Variants in SMARCA2 observed in about 807,000 individuals in gnomAD.
SMARCA2 encodes the protein SWI/SNF related BAF chromatin remodeling complex subunit ATPase 2, also known as SWI/SNF-related matrix-associated actin-dependent regulator of chromatin subfamily A member 2.
In SMARCA2, 61 loss-of-function variants were observed where a neutral mutation model predicts 199.8. The observed-to-expected ratio is 0.31, with a 90% CI of 0.25 to 0.38. The LOEUF (loss-of-function observed/expected upper bound fraction) is 0.38, where lower values mean the gene tolerates loss of function less well. Among genes scored for constraint, SMARCA2 ranks in the 10% least tolerant of loss-of-function variants. SMARCA2 has a pLI of 1.00. For missense variants in SMARCA2, 1,344 were observed against 2,012.2 expected (o/e 0.67, Z 6.35); for synonymous variants, 935 against 732.0 (o/e 1.28, Z -4.48).
chr9:2,115,358 G>GATGT lies in SMARCA2; in HGVS notation c.3457-453_3457-450dup, dbSNP rs1484928419. ...GTGTGTGTATGTGTGTGTGTGGTAA[G>GATGT]ATGTATGTATGTATAATACCTGAAT... On this transcript the variant is annotated intron_variant, in intron 24 of 33. Transcript: ENST00000349721. The surrounding 1 kb of genome is among the most constrained non-coding windows in gnomAD (Gnocchi z 6.0). Among the ~76,000 whole-genome samples the GATGT allele has an allele frequency of 6.6e-6, 1 of 152,096 alleles. No individual in the cohort carries two copies.
intron 27 of SMARCA2, among the ~76,000 whole-genome samples, chr9:2,127,380 A>C (rs938266447): frequency 1.3e-5 from 2 of 152,198 alleles, no homozygotes; most frequent in Non-Finnish European, 2.9e-5. Context: ...GCTGCCACAG[A>C]TGGACCTCAA....
At chr9:2,025,584 T>G (rs141316407) in intron 1 of SMARCA2, among the ~76,000 whole-genome samples, 189 of 152,232 alleles carry the variant, frequency 1.2e-3, no homozygotes, top group African/African-American at 4.3e-3. Flanking sequence ...ATTGTCTCAT[T>G]AGTGCTTTGG....
chr9:2,027,654 G>A (rs903199600), intron 1 of SMARCA2: 15 of 152,230 alleles, frequency 9.9e-5, no homozygotes, highest in African/African-American at 3.6e-4. Context: ...TGGGTCGCTA[G>A]GAGTGGAAAG....
chr9:2,110,154 G>A lies in SMARCA2; in HGVS notation c.3293-100G>A. The A allele has an allele frequency of 1.1e-6, 1 of 876,364 alleles. No homozygotes were observed. The highest frequency in any genetic ancestry group is 1.7e-6 in the Non-Finnish European group (1 of 574,828). 54.3% of individuals were successfully genotyped at this position (876,364 alleles called of 1,614,324 possible). A position where few individuals can be genotyped will look rare whatever the true frequency, so the allele number is the denominator to read the frequency against. On this transcript the variant is annotated intron_variant, in intron 23 of 33. Transcript: ENST00000349721. This position sits in a 1 kb window ranked among gnomAD's most constrained non-coding sequence, Gnocchi z 4.8. ...AATTACCTCACCAGTGTTAGGAGGA[G>A]TCTGGGTATATTTCTTGAAGGAAGC...
intron 19 of SMARCA2, among the ~76,000 whole-genome samples, chr9:2,091,793 C>T (rs544327625): frequency 6.6e-6 from 1 of 152,258 alleles, no homozygotes; most frequent in African/African-American, 2.4e-5. Context: ...GATTTTTAGC[C>T]ATTCAATAGG....
In SMARCA2 at chr9:2,119,574, C is replaced by A; in HGVS notation, c.3762+39C>A. 7.4e-7 allele frequency: 1 copy of A among 1,354,778 alleles called. No homozygotes were observed. Among genetic ancestry groups the A allele is most frequent in the South Asian group, 1.2e-5 (1 of 85,636 alleles). 83.9% of individuals were successfully genotyped at this position (1,354,778 alleles called of 1,614,324 possible). A position where few individuals can be genotyped will look rare whatever the true frequency, so the allele number is the denominator to read the frequency against. ...AAATCATGAACACAAATGCTTTATA[C>A]CTCTGCCCCTTTTTCTGTTAAGCAG... is the stretch of plus-strand genomic sequence containing the variant. On this transcript the variant is annotated intron_variant, in intron 26 of 33. Transcript: ENST00000349721. The surrounding 1 kb of genome is among the most constrained non-coding windows in gnomAD (Gnocchi z 4.6).
rs1447743989 is a variant in SMARCA2, at chr9:2,110,330, G to A, written c.3369G>A (p.Leu1123=). The A allele has an allele frequency of 1.2e-6, 2 of 1,613,504 alleles. No individual in the cohort carries two copies. The highest frequency in any genetic ancestry group is 1.3e-5 in the African/African-American group (1 of 74,866). The part of the protein sequence containing the change: ...NEPGSQYFIF[L]LSTRAGGLGL... The stretch of plus-strand genomic sequence containing the variant: ...CTGGATCCCAGTATTTCATTTTCTT[G>A]CTGAGCACAAGAGCTGGTGGCCTGG... Residue 1123 remains leucine, a synonymous_variant, in exon 24 of 34, where the codon TTG becomes TTA. Coordinates refer to ENST00000349721, the MANE Select transcript of SMARCA2 (RefSeq NM_003070.5). This position sits in a 1 kb window ranked among gnomAD's most constrained non-coding sequence, Gnocchi z 4.8.
At chr9:2,148,238 C>T (rs770719178) in intron 27 of SMARCA2, among the ~76,000 whole-genome samples, 1 of 151,568 alleles carries the variant, frequency 6.6e-6, no homozygotes, top group Non-Finnish European at 1.5e-5. Flanking sequence ...AATGTAGCTC[C>T]AGTAATAAGT....
chr9:2,055,824 C>T (rs1820328381), intron 6 of SMARCA2: 2 of 152,184 alleles, frequency 1.3e-5, no homozygotes, highest in Admixed American at 1.3e-4. Context: ...TGGATAAAAT[C>T]TTACTAAATG....
chr9:2,156,414 C>CTTTTTTTTTTTTTTTTTTTTTTT (rs57161267), intron 27 of SMARCA2, among the ~76,000 whole-genome samples: 1 of 69,148 alleles, frequency 1.4e-5, no homozygotes, highest in Non-Finnish European at 2.5e-5. Context: ...CCATTTTAGA[C>CTTTTTTTTTTTTTTTTTTTTTTT]TTTTTTTTTT....
chr9:2,041,557 C>T (rs1025327494), intron 4 of SMARCA2: 34 of 396,152 alleles, frequency 8.6e-5, no homozygotes, highest in Non-Finnish European at 1.1e-4. Flanking sequence ...ATACCATCTC[C>T]CTGGGAATTA....
intron 27 of SMARCA2, among the ~76,000 whole-genome samples, chr9:2,155,173 TAA>T (rs370460717): frequency 4.6e-5 from 7 of 152,356 alleles, no homozygotes; most frequent in African/African-American, 1.7e-4. Flanking sequence ...CCACTAAATC[TAA>T]AAGTCATTCT....
At chr9:2,157,652 T>C (rs775664966) in intron 27 of SMARCA2, 6 of 375,868 alleles carry the variant, frequency 1.6e-5, no homozygotes, top group Non-Finnish European at 2.4e-5. Context: ...TGTTCCACTG[T>C]AAGGACTGTG....
In SMARCA2 at chr9:2,052,825, C is replaced by T. The variant is rs186264878; in HGVS notation, c.1047-1772C>T. 5.3e-3 allele frequency among the ~76,000 whole-genome samples: 801 copies of T among 152,184 alleles called. 8 individuals are homozygous for T. The highest frequency in any genetic ancestry group is 0.018 in the African/African-American group (752 of 41,512). On this transcript the variant is annotated intron_variant, in intron 5 of 33. Transcript: ENST00000349721. The stretch of plus-strand genomic sequence containing the variant: ...TCACGTTAATGAAAATGATGGCTGT[C>T]GTCATCAGCATCTTGGCAAGGAAGA...
At chr9:2,118,641 C>T (rs1018287927) in intron 25 of SMARCA2, among the ~76,000 whole-genome samples, 2 of 152,100 alleles carry the variant, frequency 1.3e-5, no homozygotes, top group African/African-American at 4.8e-5. Flanking sequence ...AAGCATATGC[C>T]GAACTTTTAG....
intron 4 of SMARCA2, among the ~76,000 whole-genome samples, chr9:2,046,342 T>C (rs918240930): frequency 5.9e-5 from 9 of 152,212 alleles, no homozygotes; most frequent in Non-Finnish European, 2.9e-5. Context: ...ACTTAATCAA[T>C]GCACTTTGAC....
chr9:2,042,637 C>T (rs1045503650), intron 4 of SMARCA2: 1 of 151,552 alleles, frequency 6.6e-6, no homozygotes, highest in African/African-American at 2.4e-5. Flanking sequence ...TTTTCTGGAT[C>T]ATTTTCAGGA....
chr9:2,050,576 C>T (rs1029328848), intron 5 of SMARCA2, among the ~76,000 whole-genome samples: 2 of 151,648 alleles, frequency 1.3e-5, no homozygotes, highest in East Asian at 1.9e-4. Context: ...ATGAAAAGAG[C>T]GGTATATCCT....
intron 27 of SMARCA2, among the ~76,000 whole-genome samples, chr9:2,132,220 A>G (rs1422472801): frequency 1.8e-4 from 28 of 152,232 alleles, no homozygotes; most frequent in Admixed American, 1.8e-3. Flanking sequence ...GAAATACACA[A>G]TGATAAATAA....
Sources: gnomAD v4.1 joint callset for allele counts (sites outside exome capture counted in the v4.1 genomes callset) on GRCh38, gnomAD v4.1.1 for gene constraint, Gnocchi (gnomAD v3.1) non-coding constraint, MANE v1.5 for transcripts, NCBI Gene and HGNC (gene_info 2026-07-23, HGNC 2026-07-21) for gene names.